The following NR6A1 variants were observed in gnomAD, a reference collection of about 807,000 sequenced individuals.
NR6A1 encodes the protein nuclear receptor subfamily 6 group A member 1, also known as retinoic acid receptor-related testis-associated receptor.
Under a neutral mutation model 59.1 loss-of-function variants are expected in NR6A1, and 7 were observed. The ratio of observed to expected loss-of-function variants is 0.12; its 90% CI spans 0.07 to 0.22. The LOEUF is 0.22. NR6A1 is among the 10% of genes least tolerant of loss of function. NR6A1 has a pLI of 1.00. For missense variants in NR6A1, 468 were observed against 611.6 expected (o/e 0.77, Z 2.48); for synonymous variants, 243 against 236.1 (o/e 1.03, Z -0.27).
intron 2 of NR6A1, among the ~76,000 whole-genome samples, chr9:124,653,179 C>T (rs1044844763): frequency 3.3e-5 from 5 of 152,084 alleles, no homozygotes; most frequent in African/African-American, 1.2e-4. Flanking sequence ...AGTCATTTAA[C>T]CACCAGAGCC....
rs192219997 is a variant in NR6A1 at position 124,723,278 on chromosome 9, G to A, written c.142+10030C>T. On this transcript the variant is annotated intron_variant, in intron 2 of 9. Transcript: ENST00000487099. ...TGACCAAAAAGAAAGTGTGTAATTC[G>A]AGTATCTGTTTTAAATAAGCAGAAG... Among the ~76,000 whole-genome samples the A allele has an allele frequency of 2.8e-4, 43 of 152,182 alleles. No homozygotes were observed. The East Asian group carries it at 7.1e-3, about 25-fold the overall frequency.
chr9:124,568,169 CAAAAAAAAAAAAA>C (rs34652433), intron 2 of NR6A1, among the ~76,000 whole-genome samples: 2 of 30,448 alleles, frequency 6.6e-5, no homozygotes, highest in East Asian at 1.1e-3. Context: ...TACTTCATCT[CAAAAAAAAAAAAA>C]AAAAAAAAAA....
At chr9:124,560,899 G>C (rs1484326886) in intron 2 of NR6A1, among the ~76,000 whole-genome samples, 1 of 152,060 alleles carries the variant, frequency 6.6e-6, no homozygotes, top group African/African-American at 2.4e-5. Context: ...TTTAATTGAT[G>C]AGACTGGGAT....
At chr9:124,530,163 A>G (rs1833059585) in intron 7 of NR6A1, among the ~76,000 whole-genome samples, 1 of 152,118 alleles carries the variant, frequency 6.6e-6, no homozygotes, top group Non-Finnish European at 1.5e-5. Flanking sequence ...AGGAGTTCCC[A>G]AGTGCCTGGC....
chr9:124,649,002 T>C (rs1177493066), intron 2 of NR6A1, among the ~76,000 whole-genome samples: 2 of 151,966 alleles, frequency 1.3e-5, no homozygotes, highest in African/African-American at 4.8e-5. Flanking sequence ...TGAAAGGATA[T>C]TGTTAAAATA....
chr9:124,699,885 T>C (rs368963949), intron 2 of NR6A1, among the ~76,000 whole-genome samples: 283 of 152,342 alleles, frequency 1.9e-3, no homozygotes, highest in African/African-American at 5.8e-3. Flanking sequence ...CTTGCTCTTC[T>C]TCCAGTCTTC....
chr9:124,612,948 T>G (rs542209889), intron 2 of NR6A1, among the ~76,000 whole-genome samples: 24 of 152,356 alleles, frequency 1.6e-4, no homozygotes, highest in African/African-American at 5.8e-4. Context: ...CCATTTAATA[T>G]AGCAGTTCTA....
At position 124,565,458 on chromosome 9, in the gene NR6A1, T is replaced by TA. The variant is rs113562364; in HGVS notation, c.143-10889dup. 4.5e-4 allele frequency among the ~76,000 whole-genome samples: 67 copies of TA among 149,784 alleles called. No individual in the cohort carries two copies. The South Asian group carries it at 8.4e-3, about 19-fold the overall frequency. ...AAACAAACAAACAAACAAAAACAAT[T>TA]AAAAAAAAAGTCAGAAGCAGCACTA... On this transcript the variant is annotated intron_variant, in intron 2 of 9. Coordinates refer to ENST00000487099, the MANE Select transcript of NR6A1 (RefSeq NM_033334.4).
chr9:124,628,879 C>T (rs1039021384), intron 2 of NR6A1, among the ~76,000 whole-genome samples: 1 of 151,916 alleles, frequency 6.6e-6, no homozygotes, highest in African/African-American at 2.4e-5. Flanking sequence ...AGGCTGGTCT[C>T]GAACTCCCGA....
At chr9:124,573,250 T>G (rs1564185302) in intron 2 of NR6A1, among the ~76,000 whole-genome samples, 1 of 152,152 alleles carries the variant, frequency 6.6e-6, no homozygotes, top group Non-Finnish European at 1.5e-5. Context: ...ACGCTGTAAT[T>G]TCTCCTACAT....
At chr9:124,662,608 T>C (rs530558866) in intron 2 of NR6A1, among the ~76,000 whole-genome samples, 8 of 152,312 alleles carry the variant, frequency 5.3e-5, no homozygotes, top group South Asian at 2.1e-4. Context: ...ATCAGATAGA[T>C]ACTATTCAAA....
intron 2 of NR6A1, among the ~76,000 whole-genome samples, chr9:124,568,452 C>T (rs1834339723): frequency 6.7e-6 from 1 of 149,848 alleles, no homozygotes; most frequent in Admixed American, 6.6e-5. Context: ...CACTGCACTC[C>T]AGCCTGGGTG....
In NR6A1 at chr9:124,752,684, G is replaced by A. The variant is rs957884550; in HGVS notation, c.100+18336C>T. Among the ~76,000 whole-genome samples, 4 of 151,624 alleles carry A rather than the reference G, an allele frequency of 2.6e-5. No homozygotes were observed. The South Asian group carries it at 8.3e-4, about 31-fold the overall frequency. ...TATTTCAATAAATCATTTATGTAGGGGTACAAGTACCTACAAAATTACTAT... is the reference window on the plus strand; with the variant it reads ...TATTTCAATAAATCATTTATGTAGGAGTACAAGTACCTACAAAATTACTAT... On this transcript the variant is annotated intron_variant, in intron 1 of 9. Transcript: ENST00000487099.
At chr9:124,659,608 T>C (rs1048571090) in intron 2 of NR6A1, among the ~76,000 whole-genome samples, 3 of 152,268 alleles carry the variant, frequency 2.0e-5, no homozygotes, top group Admixed American at 2.0e-4. Flanking sequence ...GCGCCTGCTT[T>C]TGTCTAACTC....
At chr9:124,721,555 T>C (rs982462083) in intron 2 of NR6A1, among the ~76,000 whole-genome samples, 2 of 152,120 alleles carry the variant, frequency 1.3e-5, no homozygotes, top group African/African-American at 4.8e-5. Flanking sequence ...ACAAGGGAGA[T>C]TTGTGAACTA....
intron 2 of NR6A1, among the ~76,000 whole-genome samples, chr9:124,578,335 T>C (rs1194277828): frequency 6.6e-6 from 1 of 152,222 alleles, no homozygotes; most frequent in Non-Finnish European, 1.5e-5. Context: ...AGCTTTCTAA[T>C]AGGTATCTCA....
At chr9:124,569,564 A>G (rs1834379362) in intron 2 of NR6A1, among the ~76,000 whole-genome samples, 1 of 152,238 alleles carries the variant, frequency 6.6e-6, no homozygotes, top group Non-Finnish European at 1.5e-5. Context: ...GCTAAAGGGT[A>G]TTTAAAACAA....
chr9:124,748,336 A>G (rs1840393509), intron 1 of NR6A1, among the ~76,000 whole-genome samples: 1 of 152,222 alleles, frequency 6.6e-6, no homozygotes, highest in Non-Finnish European at 1.5e-5. Flanking sequence ...TACAAATCAT[A>G]CAATGCTAAC....
intron 2 of NR6A1, among the ~76,000 whole-genome samples, chr9:124,723,836 TA>T (rs1839634192): frequency 6.6e-6 from 1 of 152,224 alleles, no homozygotes; most frequent in Non-Finnish European, 1.5e-5. Flanking sequence ...TTAAGTAATT[TA>T]ACCAAGATTA....
Sources: allele counts gnomAD v4.1 joint callset (sites outside exome capture counted in the v4.1 genomes callset), GRCh38; gene constraint gnomAD v4.1.1; transcripts MANE v1.5; gene names NCBI Gene and HGNC (gene_info 2026-07-23, HGNC 2026-07-21).